The following BCAP29 variants were observed in gnomAD, a reference collection of about 807,000 sequenced individuals.
The protein encoded by BCAP29 is B-cell receptor-associated protein 29.
In BCAP29, 34 loss-of-function variants were observed where a neutral mutation model predicts 31.8. That is an observed-to-expected ratio of 1.07 (90% confidence interval 0.81 to 1.42). The LOEUF (loss-of-function observed/expected upper bound fraction) is 1.42, where lower values mean the gene tolerates loss of function less well. Ranked by LOEUF, BCAP29 falls within the 40% of genes most tolerant of loss-of-function variation. The pLI is 0.00. For missense variants in BCAP29, 314 were observed against 269.2 expected, an observed-to-expected ratio of 1.17 and a Z score of -1.16; for synonymous variants, 104 against 91.3, an observed-to-expected ratio of 1.14 and a Z score of -0.79.
intron 6 of BCAP29, among the ~76,000 whole-genome samples, chr7:107,611,556 C>T (rs1291834461): frequency 6.6e-6 from 1 of 152,148 alleles, no homozygotes; most frequent in Non-Finnish European, 1.5e-5. Context: ...TTTTGCTGAG[C>T]TCTGAAGATA....
intron 5 of BCAP29, among the ~76,000 whole-genome samples, chr7:107,599,203 ATT>A (rs1810513021): frequency 1.3e-4 from 3 of 23,252 alleles, no homozygotes; most frequent in Admixed American, 8.6e-4. Context: ...ATAAATACAT[ATT>A]TATAAATATA....
At chr7:107,594,283 G>T in intron 4 of BCAP29, 178 bp downstream of exon 4, 1 of 579,738 alleles carries the variant, frequency 1.7e-6, no homozygotes, top group South Asian at 2.3e-5. Context: ...CAAACTCCTG[G>T]GTTCAAGTGA....
At position 107,618,692 on chromosome 7, in the gene BCAP29, G is replaced by T. The variant is rs1479622553; in HGVS notation, c.*329G>T. On this transcript the variant is annotated 3_prime_UTR_variant, in exon 8 of 8. Transcript: ENST00000005259. ...CTTCCAAAATTAGAAGTTTTAAGTT[G>T]CATGAAACCATTAATAGCCTTGAAA... 3 of 1,042,680 alleles carry T rather than the reference G, an allele frequency of 2.9e-6. No individual in the cohort carries two copies. The highest frequency in any genetic ancestry group is 4.1e-6 in the Non-Finnish European group (3 of 730,764). 64.6% of individuals were successfully genotyped at this position (1,042,680 alleles called of 1,614,324 possible).
rs746928635 is a variant in BCAP29, at chr7:107,594,094, A to AT, written c.340dup (p.Trp114LeufsTer25). 6.8e-6 allele frequency: 11 copies of AT among 1,609,228 alleles called. No homozygotes were observed. The highest frequency in any genetic ancestry group is 4.4e-5 in the South Asian group (4 of 90,588). Reference sequence around the variant, plus strand: ...ATCTTTACATTTCTGGATTTTCCCTATTTTTTTGGCTGTAAGTAAAAAATA... The same window carrying AT: ...ATCTTTACATTTCTGGATTTTCCCTATTTTTTTTGGCTGTAAGTAAAAAATA... On this transcript the variant is annotated frameshift_variant, in exon 4 of 8. Transcript: ENST00000005259. LOFTEE classifies it high-confidence loss of function.
At chr7:107,609,160 A>G (rs981165182) in intron 6 of BCAP29, among the ~76,000 whole-genome samples, 1 of 152,210 alleles carries the variant, frequency 6.6e-6, no homozygotes, top group African/African-American at 2.4e-5. Flanking sequence ...TTATAACAAA[A>G]ATGAGCAGCA....
chr7:107,591,641 T>TACACACACACACACACACAC (rs924671499), intron 3 of BCAP29, among the ~76,000 whole-genome samples: 2,328 of 41,818 alleles, frequency 0.056, 218 homozygotes, highest in African/African-American at 0.12. Context: ...CATACACACA[T>TACACACACACACACACACAC]ACACACACAC....
At chr7:107,584,931 C>G (rs567082152) in intron 3 of BCAP29, among the ~76,000 whole-genome samples, 5 of 152,108 alleles carry the variant, frequency 3.3e-5, no homozygotes, top group Admixed American at 6.5e-5. Flanking sequence ...AATGTCTGTA[C>G]TCGTTTTTCA....
chr7:107,600,151 C>T (rs1174558640), intron 5 of BCAP29: 1 of 487,776 alleles, frequency 2.1e-6, no homozygotes, highest in African/African-American at 2.0e-5. Flanking sequence ...ATTTTAATCA[C>T]AGCAACTAGA....
In BCAP29 at chr7:107,618,553, T is replaced by C. The variant is rs1387941420; in HGVS notation, c.*190T>C. 1.9e-6 allele frequency: 3 copies of C among 1,600,392 alleles called. No individual in the cohort carries two copies. The highest frequency in any genetic ancestry group is 8.6e-7 in the Non-Finnish European group (1 of 1,168,622). On this transcript the variant is annotated 3_prime_UTR_variant, in exon 8 of 8. Coordinates refer to ENST00000005259, the MANE Select transcript of BCAP29 (RefSeq NM_018844.4). ...TTTCAGATATATTGCAAAGTCTGTA[T>C]TCCAGCTCTTAAGAAAAATATAAGC...
rs898466713 is a variant in BCAP29 at position 107,589,851 on chromosome 7, G to A, written c.194-4104G>A. 6.2e-4 allele frequency among the ~76,000 whole-genome samples: 95 copies of A among 152,094 alleles called. 1 individual carries two copies. Among genetic ancestry groups the A allele is most frequent in the Non-Finnish European group, 2.2e-4 (15 of 68,022 alleles). On this transcript the variant is annotated intron_variant, in intron 3 of 7. Coordinates refer to ENST00000005259, the MANE Select transcript of BCAP29 (RefSeq NM_018844.4). ...TGTTGTTTTATAGAGACAGACTTTCGCTTTGTTGCCCAGGCTGGTCTCAAA... is the reference window on the plus strand; with the variant it reads ...TGTTGTTTTATAGAGACAGACTTTCACTTTGTTGCCCAGGCTGGTCTCAAA...
rs751358934 is a variant in BCAP29 at position 107,595,860 on chromosome 7, T to G, written c.345-7T>G. ...CAGTAATACATTATTCTGGTTTTTT[T>G]TCTTAGAGTTTTGAGACGTCTGGTT... On this transcript the variant is annotated splice_polypyrimidine_tract_variant and splice_region_variant and intron_variant, in intron 4 of 7. Transcript: ENST00000005259. The G allele has an allele frequency of 6.3e-7, 1 of 1,592,452 alleles. No individual in the cohort carries two copies. Among genetic ancestry groups the G allele is most frequent in the Non-Finnish European group, 8.5e-7 (1 of 1,174,532 alleles).
In BCAP29 at chr7:107,615,724, G is replaced by A. The variant is rs73189584; in HGVS notation, c.690+2292G>A. Reference sequence around the variant, plus strand: ...GCCGAGAGTAGGGCCTTGTTTGATAGCACTTCAGGACTTGATCTAATTTCT... The same window carrying A: ...GCCGAGAGTAGGGCCTTGTTTGATAACACTTCAGGACTTGATCTAATTTCT... On this transcript the variant is annotated intron_variant, in intron 7 of 7. Coordinates refer to ENST00000005259, the MANE Select transcript of BCAP29 (RefSeq NM_018844.4). 767 of 195,402 alleles carry A rather than the reference G, an allele frequency of 3.9e-3. 2 individuals are homozygous for A. Among genetic ancestry groups the A allele is most frequent in the Middle Eastern group, 6.9e-3 (3 of 434 alleles). The allele number at this position is 195,402 out of a possible 1,614,324, so 12.1% of individuals were successfully genotyped here.
At chr7:107,580,980 CGAATT>C (rs1299537336) in intron 2 of BCAP29, 116 bp downstream of exon 2, 1 of 615,674 alleles carries the variant, frequency 1.6e-6, no homozygotes, top group Admixed American at 4.0e-5. Flanking sequence ...ACTCACCTAA[CGAATT>C]AGGTAGTATA....
intron 2 of BCAP29, among the ~76,000 whole-genome samples, chr7:107,583,259 T>C (rs1304112364): frequency 6.6e-6 from 1 of 152,128 alleles, no homozygotes; most frequent in Non-Finnish European, 1.5e-5. Flanking sequence ...CCATCTCATT[T>C]CCTCTATGTT....
At chr7:107,618,071 T>C (rs2129297125) in intron 7 of BCAP29, among the ~76,000 whole-genome samples, 1 of 152,288 alleles carries the variant, frequency 6.6e-6, no homozygotes, top group African/African-American at 2.4e-5. Flanking sequence ...CATGTTTTCC[T>C]AATGTAACCT....
chr7:107,599,417 G>A (rs989098657), intron 5 of BCAP29, among the ~76,000 whole-genome samples: 2 of 143,556 alleles, frequency 1.4e-5, no homozygotes, highest in African/African-American at 5.2e-5. Context: ...CTACTCAAGA[G>A]GCTGAGATGG....
intron 6 of BCAP29, among the ~76,000 whole-genome samples, chr7:107,603,754 C>T (rs1196390179): frequency 1.3e-5 from 2 of 151,648 alleles, no homozygotes; most frequent in Non-Finnish European, 2.9e-5. Context: ...TACATGTGTG[C>T]ACCACCATGC....
At chr7:107,589,672 T>TGGA (rs1808359519) in intron 3 of BCAP29, among the ~76,000 whole-genome samples, 1 of 152,212 alleles carries the variant, frequency 6.6e-6, no homozygotes, top group Admixed American at 6.5e-5. Flanking sequence ...TGGGGACCCC[T>TGGA]GCTGTACATA....
downstream of BCAP29, chr7:107,621,967 T>C (rs1425558581): frequency 2.0e-6 from 1 of 509,744 alleles, no homozygotes; most frequent in Non-Finnish European, 4.0e-6. Flanking sequence ...TCAAGGGGTG[T>C]GGAAAACAGT....
Sources: allele counts gnomAD v4.1 joint callset (sites outside exome capture counted in the v4.1 genomes callset), GRCh38; gene constraint gnomAD v4.1.1; transcripts MANE v1.5; gene names NCBI Gene and HGNC (gene_info 2026-07-23, HGNC 2026-07-21).